Variants in BAG1 observed in about 807,000 individuals in gnomAD.
BAG1 encodes BAG cochaperone 1.
In BAG1, 35 loss-of-function variants were observed where a neutral mutation model predicts 35.5. That is an observed-to-expected ratio of 0.99 (90% CI 0.75 to 1.31). BAG1 has a LOEUF of 1.31. Among genes scored for constraint, BAG1 ranks in the 50% most tolerant of loss-of-function variants. The pLI is 0.00. For missense variants in BAG1, 464 were observed against 453.6 expected, an observed-to-expected ratio of 1.02 and a Z score of -0.21; for synonymous variants, 191 against 178.9, an observed-to-expected ratio of 1.07 and a Z score of -0.54.
At chr9:33,255,429 T>C (rs1428404727) in intron 6 of BAG1, 121 bp from the exon 7 acceptor site, 2 of 1,483,198 alleles carry the variant, frequency 1.3e-6, no homozygotes, top group African/African-American at 1.4e-5. Flanking sequence ...AGATTGTGCA[T>C]GAATGGAGAT....
Position 33,264,319 on chromosome 9 carries a change from C to T in BAG1, c.356G>A (p.Ser119Asn), listed in dbSNP as rs1820655952. ...CTCCTCGTCCCGGGTCACCTCCTGG[C>T]TCCGATTCATCTCTTCGCCCTGGGT... Residue 119 changes from serine (S) to asparagine (N), a missense_variant, in exon 1 of 7, where the codon AGC becomes AAC. Ser to Asn is a conservative substitution (Grantham distance 46, BLOSUM62 1). Coordinates refer to ENST00000634734, the MANE Select transcript of BAG1 (RefSeq NM_004323.6). The T allele has an allele frequency of 6.2e-7, 1 of 1,614,056 alleles. No homozygotes were observed. Among genetic ancestry groups the T allele is most frequent in the Non-Finnish European group, 8.5e-7 (1 of 1,179,990 alleles).
At position 33,255,945 on chromosome 9, in the gene BAG1, G is replaced by A. The variant is rs781164759; in HGVS notation, c.886-18C>T. On this transcript the variant is annotated intron_variant, in intron 5 of 6. Transcript: ENST00000634734. ...GGCAGGATCTATGGAAGAGTAAGTTGATAATACAAGTTAGTAAATAGTAAA... is the reference window on the plus strand; with the variant it reads ...GGCAGGATCTATGGAAGAGTAAGTTAATAATACAAGTTAGTAAATAGTAAA... The A allele has an allele frequency of 2.1e-5, 34 of 1,592,416 alleles. No individual in the cohort carries two copies. The highest frequency in any genetic ancestry group is 2.8e-5 in the Non-Finnish European group (32 of 1,160,492).
In BAG1 at chr9:33,255,289, T is replaced by C; in HGVS notation, c.968A>G (p.Asp323Gly). The stretch of plus-strand genomic sequence containing the variant: ...CTGGCAGATGTTCTGCTCCACTGTG[T>C]CACACTCGGCTAGGAATGCCTAGAA... The change falls in exon 7 of 7, where the codon GAC becomes GGC. Residue 323 changes from aspartate (D) to glycine (G), a missense_variant. Coordinates refer to ENST00000634734, the MANE Select transcript of BAG1 (RefSeq NM_004323.6). 1 of 1,614,216 alleles carries C rather than the reference T, an allele frequency of 6.2e-7. No homozygotes were observed. Among genetic ancestry groups the C allele is most frequent in the Non-Finnish European group, 8.5e-7 (1 of 1,180,036 alleles).
In BAG1 at chr9:33,254,956, A is replaced by C. The variant is rs1820419864; in HGVS notation, c.*263T>G. ...CACCCAGAGGTCCAAACAGCTGGGA[A>C]AATTTGGGCAGAGGTGGCCCTCTCC... On this transcript the variant is annotated 3_prime_UTR_variant, in exon 7 of 7. Coordinates refer to ENST00000634734, the MANE Select transcript of BAG1 (RefSeq NM_004323.6). 5 of 1,353,760 alleles carry C rather than the reference A, an allele frequency of 3.7e-6. No individual in the cohort carries two copies. Among genetic ancestry groups the C allele is most frequent in the Non-Finnish European group, 4.9e-6 (5 of 1,019,854 alleles). 83.9% of individuals were successfully genotyped at this position (1,353,760 alleles called of 1,614,324 possible).
rs1338763753 is a variant in BAG1 at position 33,254,994 on chromosome 9, T to C, written c.*225A>G. 7 of 1,491,278 alleles carry C rather than the reference T, an allele frequency of 4.7e-6. No individual in the cohort carries two copies. The Admixed American group carries it at 1.0e-4, about 22-fold the overall frequency. 92.4% of individuals were successfully genotyped at this position (1,491,278 alleles called of 1,614,324 possible). On this transcript the variant is annotated 3_prime_UTR_variant, in exon 7 of 7. Coordinates refer to ENST00000634734, the MANE Select transcript of BAG1 (RefSeq NM_004323.6). ...GGTGGCCCTCTCCAGAAAAGGTGGA[T>C]TGCTGGACAGTACAACCACAGAGAC...
At chr9:33,262,954 A>T in intron 1 of BAG1, 124 bp from the exon 2 acceptor site, 1 of 1,360,880 alleles carries the variant, frequency 7.3e-7, no homozygotes, top group East Asian at 2.4e-5. Flanking sequence ...TACTCCACAG[A>T]GCCTGCCCCC....
chr9:33,259,785 G>A (rs550159362), intron 3 of BAG1: 1 of 152,342 alleles, frequency 6.6e-6, no homozygotes, highest in African/African-American at 2.4e-5. Flanking sequence ...GAGCGCTCCT[G>A]TTTAATGTGA....
rs900864344 is a variant in BAG1 at position 33,262,182 on chromosome 9, C to T, written c.580+520G>A. The stretch of plus-strand genomic sequence containing the variant: ...CATCATCATAAGACTTCAAATCTGA[C>T]ACCTGTCCAGGTGTTTGAGAGTGTC... On this transcript the variant is annotated intron_variant, in intron 2 of 6. Coordinates refer to ENST00000634734, the MANE Select transcript of BAG1 (RefSeq NM_004323.6). 30 of 1,289,660 alleles carry T rather than the reference C, an allele frequency of 2.3e-5. No homozygotes were observed. The Admixed American group carries it at 6.9e-4, about 30-fold the overall frequency. 79.9% of individuals were successfully genotyped at this position (1,289,660 alleles called of 1,614,324 possible). A position where few individuals can be genotyped will look rare whatever the true frequency, so the allele number is the denominator to read the frequency against.
At chr9:33,255,775 C>T (rs904352473) in intron 6 of BAG1, 90 bp downstream of exon 6, 13 of 1,424,452 alleles carry the variant, frequency 9.1e-6, no homozygotes, top group Admixed American at 3.4e-5. Flanking sequence ...CCACACACCA[C>T]GCTCCTACAC....
At position 33,260,323 on chromosome 9, in the gene BAG1, G is replaced by A. The variant is rs368766417; in HGVS notation, c.663+764C>T. On this transcript the variant is annotated intron_variant, in intron 3 of 6. Transcript: ENST00000634734. ...TTTAGAATATTTCCCTCTTCTCTCA[G>A]GTAAACAATTGATAGATAGGTCTAG... The A allele has an allele frequency of 9.2e-5, 14 of 152,184 alleles. No individual in the cohort carries two copies. In the East Asian group the frequency reaches 1.2e-3, roughly 13 times the overall value. 9.4% of individuals were successfully genotyped at this position (152,184 alleles called of 1,614,324 possible). A position where few individuals can be genotyped will look rare whatever the true frequency, so the allele number is the denominator to read the frequency against.
In BAG1 at chr9:33,264,212, C is replaced by A. The variant is rs925170553; in HGVS notation, c.451+12G>T. 92 of 1,591,490 alleles carry A rather than the reference C, an allele frequency of 5.8e-5. No individual in the cohort carries two copies. The highest frequency in any genetic ancestry group is 7.6e-5 in the Non-Finnish European group (89 of 1,170,758). On this transcript the variant is annotated intron_variant, in intron 1 of 6. Transcript: ENST00000634734. ...GGACCTGCATGGAGCCCACCTGGCG[C>A]CCGACACTCACTGTGGGTGACAGTC...
At chr9:33,262,944 T>C (rs1820609731) in intron 1 of BAG1, 114 bp from the exon 2 acceptor site, 3 of 1,439,312 alleles carry the variant, frequency 2.1e-6, no homozygotes, top group Middle Eastern at 2.4e-4. Context: ...ATATGCCACC[T>C]ACTCCACAGA....
In BAG1 at chr9:33,264,680, C is replaced by G; in HGVS notation, c.-6G>C. 7.4e-7 allele frequency: 1 copy of G among 1,355,198 alleles called. No homozygotes were observed. The highest frequency in any genetic ancestry group is 9.4e-7 in the Non-Finnish European group (1 of 1,061,098). The allele number at this position is 1,355,198 out of a possible 1,614,324, so 83.9% of individuals were successfully genotyped here. The stretch of plus-strand genomic sequence containing the variant: ...GCCCCCCCGCGCTGAGCCAGGCCCG[C>G]ACTTGTTGACCGCCCAGCGATGGAA... On this transcript the variant is annotated 5_prime_UTR_variant, in exon 1 of 7. Transcript: ENST00000634734.
At chr9:33,256,643 C>T (rs575756739) in intron 5 of BAG1, among the ~76,000 whole-genome samples, 158 bp downstream of exon 5, 1 of 152,280 alleles carries the variant, frequency 6.6e-6, no homozygotes, top group South Asian at 2.1e-4. Context: ...ATGCATTCAC[C>T]CAGGACCTAG....
chr9:33,264,688 G>A lies in BAG1; in HGVS notation c.-14C>T. The A allele has an allele frequency of 1.5e-6, 2 of 1,356,870 alleles. No individual in the cohort carries two copies. Among genetic ancestry groups the A allele is most frequent in the Non-Finnish European group, 1.9e-6 (2 of 1,061,640 alleles). The allele number at this position is 1,356,870 out of a possible 1,614,324, so 84.1% of individuals were successfully genotyped here. ...GCGCTGAGCCAGGCCCGCACTTGTT[G>A]ACCGCCCAGCGATGGAAGCTGAGCG... is the stretch of plus-strand genomic sequence containing the variant. On this transcript the variant is annotated 5_prime_UTR_variant, in exon 1 of 7. Transcript: ENST00000634734.
At chr9:33,260,964 TG>T in intron 3 of BAG1, 122 bp downstream of exon 3, 1 of 666,280 alleles carries the variant, frequency 1.5e-6, no homozygotes, top group South Asian at 2.1e-5. Flanking sequence ...AGATTGTATT[TG>T]TTTAGAGAGG....
Position 33,264,426 on chromosome 9 carries a change from G to T in BAG1, c.249C>A (p.Ser83Arg). ...ACTCCTCGCTCCGGGTCAACTCCTC[G>T]CTCCGGGTCGAGCGGCGCCGGGTTT... is the stretch of plus-strand genomic sequence containing the variant. The change falls in exon 1 of 7, where the codon AGC becomes AGA. Residue 83 changes from serine (S) to arginine (R), a missense_variant. By Grantham distance (110) the Ser-to-Arg change is moderately radical (BLOSUM62 -1). Transcript: ENST00000634734. The T allele has an allele frequency of 6.2e-7, 1 of 1,611,034 alleles. No homozygotes were observed. The highest frequency in any genetic ancestry group is 8.5e-7 in the Non-Finnish European group (1 of 1,178,464).
chr9:33,255,235 A>T lies in BAG1; in HGVS notation c.1022T>A (p.Phe341Tyr). ...TGCTACACCTCACTCGGCCAGGGCAAAGTTTGTAGACTGCAGCCGCTCAGT... is the reference window on the plus strand; with the variant it reads ...TGCTACACCTCACTCGGCCAGGGCATAGTTTGTAGACTGCAGCCGCTCAGT... Residue 341 changes from phenylalanine to tyrosine, a missense_variant, in exon 7 of 7, where the codon TTT (phenylalanine) becomes TAT (tyrosine). Physicochemically the swap from Phe to Tyr is conservative, Grantham distance 22. Coordinates refer to ENST00000634734, the MANE Select transcript of BAG1 (RefSeq NM_004323.6). 1 of 1,614,174 alleles carries T rather than the reference A, an allele frequency of 6.2e-7. No homozygotes were observed. Among genetic ancestry groups the T allele is most frequent in the Admixed American group, 1.7e-5 (1 of 60,020 alleles).
At chr9:33,259,925 G>T (rs1264221611) in intron 3 of BAG1, 5 of 152,230 alleles carry the variant, frequency 3.3e-5, no homozygotes, top group Non-Finnish European at 7.3e-5. Flanking sequence ...TACAGATGAT[G>T]AAACTGAGGC....
Sources: allele counts gnomAD v4.1 joint callset (sites outside exome capture counted in the v4.1 genomes callset), GRCh38; gene constraint gnomAD v4.1.1; transcripts MANE v1.5; gene names NCBI Gene and HGNC (gene_info 2026-07-23, HGNC 2026-07-21).